Variants in ROBO2 observed in about 807,000 individuals in gnomAD.
ROBO2 encodes roundabout homolog 2.
Under a neutral mutation model 160.8 loss-of-function variants are expected in ROBO2, and 53 were observed. The observed-to-expected ratio is 0.33, with a 90% CI of 0.26 to 0.41. The LOEUF (loss-of-function observed/expected upper bound fraction) is 0.41, where lower values mean the gene tolerates loss of function less well. Ranked by LOEUF, ROBO2 falls within the 10% of genes least tolerant of loss-of-function variation. The pLI, the probability that ROBO2 is intolerant of heterozygous loss-of-function variation, is 1.00. For synonymous variants in ROBO2, 664 were observed against 611.7 expected (o/e 1.09, Z -1.26); for missense variants, 1,577 against 1,722.4 (o/e 0.92, Z 1.49).
At chr3:76,887,596 G>C (rs1315713735) in intron 2 of ROBO2, among the ~76,000 whole-genome samples, 3 of 151,906 alleles carry the variant, frequency 2.0e-5, no homozygotes, top group East Asian at 1.9e-4. Flanking sequence ...GAGATTCCTA[G>C]TATTGCTGTT....
chr3:77,480,394 A>G (rs1206703254), intron 3 of ROBO2, among the ~76,000 whole-genome samples: 1 of 152,022 alleles, frequency 6.6e-6, no homozygotes, highest in Non-Finnish European at 1.5e-5. Context: ...TACATATTTT[A>G]ATATTATTGC....
At chr3:77,492,695 A>C (rs940012413) in intron 4 of ROBO2, among the ~76,000 whole-genome samples, 1 of 152,182 alleles carries the variant, frequency 6.6e-6, no homozygotes, top group African/African-American at 2.4e-5. Flanking sequence ...CTTTCCATAC[A>C]TGAAGTTAAA....
intron 2 of ROBO2, among the ~76,000 whole-genome samples, chr3:76,688,848 C>T (rs1259553801): frequency 6.6e-6 from 1 of 151,944 alleles, no homozygotes. Context: ...TTGGTCTCAT[C>T]TTTCTTCTCC....
intron 6 of ROBO2, among the ~76,000 whole-genome samples, chr3:77,523,937 G>A (rs543361338): frequency 2.6e-5 from 4 of 151,336 alleles, no homozygotes; most frequent in Non-Finnish European, 4.4e-5. Context: ...AAAAAGGTTC[G>A]GAGAAGTTTG....
intron 4 of ROBO2, among the ~76,000 whole-genome samples, chr3:77,490,636 T>G (rs1429298764): frequency 6.6e-6 from 1 of 152,178 alleles, no homozygotes; most frequent in African/African-American, 2.4e-5. Flanking sequence ...CATAAGAGGT[T>G]CATTTTTCTC....
At chr3:76,527,288 A>G (rs2081997917) in intron 2 of ROBO2, among the ~76,000 whole-genome samples, 1 of 152,152 alleles carries the variant, frequency 6.6e-6, no homozygotes, top group Non-Finnish European at 1.5e-5. Context: ...AGAATAGACT[A>G]TAAAATCTAT....
intron 2 of ROBO2, among the ~76,000 whole-genome samples, chr3:76,506,250 TC>T (rs1222934162): frequency 2.2e-4 from 33 of 152,336 alleles, no homozygotes; most frequent in African/African-American, 7.7e-4. Flanking sequence ...TACTCATGAT[TC>T]TGGAGTCTGG....
At position 76,186,772 on chromosome 3, in the gene ROBO2, T is replaced by C. The variant is rs145303872; in HGVS notation, c.109+249170T>C. 1.1e-4 allele frequency among the ~76,000 whole-genome samples: 16 copies of C among 152,280 alleles called. No homozygotes were observed. In the East Asian group the frequency reaches 3.1e-3, roughly 29 times the overall value. On this transcript the variant is annotated intron_variant, in intron 2 of 26. Coordinates refer to the ROBO2 transcript ENST00000487694. ...TTATTCACTCCCTTGTTCTCTCTAATTCATCTCCAATTCATTCACTACCTC... is the reference window on the plus strand; with the variant it reads ...TTATTCACTCCCTTGTTCTCTCTAACTCATCTCCAATTCATTCACTACCTC...
At chr3:77,550,939 T>C in exon 8 of ROBO2, 1 of 1,613,016 alleles carries the variant, frequency 6.2e-7, no homozygotes, top group Non-Finnish European at 8.5e-7. Context: ...TGCCAGGCTT[T>C]AACTGTGGCA....
At chr3:76,064,582 T>C (rs1256525540) in intron 2 of ROBO2, among the ~76,000 whole-genome samples, 5 of 152,198 alleles carry the variant, frequency 3.3e-5, no homozygotes, top group African/African-American at 1.2e-4. Context: ...TCTCTAACAA[T>C]CCTTAAAAAG....
chr3:77,489,410 G>A (rs542604555), intron 4 of ROBO2, among the ~76,000 whole-genome samples: 33 of 152,272 alleles, frequency 2.2e-4, no homozygotes, highest in Non-Finnish European at 8.8e-5. Flanking sequence ...TCATTGTGAA[G>A]TCCTGCACCC....
rs79964875 is a variant in ROBO2 at position 76,413,722 on chromosome 3, A to G, written c.109+476120A>G. The stretch of plus-strand genomic sequence containing the variant: ...TCAGCATTTTGGGTAAAGCCATTCA[A>G]CACGTCTCTAGGAAGTTTAAAACTT... On this transcript the variant is annotated intron_variant, in intron 2 of 26. Transcript: ENST00000487694. 2.0e-5 allele frequency among the ~76,000 whole-genome samples: 3 copies of G among 152,136 alleles called. No homozygotes were observed. In the South Asian group the frequency reaches 6.2e-4, roughly 32 times the overall value.
At chr3:76,230,729 TG>T (rs1704573226) in intron 2 of ROBO2, among the ~76,000 whole-genome samples, 1 of 152,192 alleles carries the variant, frequency 6.6e-6, no homozygotes, top group South Asian at 2.1e-4. Flanking sequence ...TGGTTTGAAT[TG>T]TAATTCCCAG....
intron 2 of ROBO2, among the ~76,000 whole-genome samples, chr3:76,573,211 A>G (rs2085060365): frequency 6.6e-6 from 1 of 152,080 alleles, no homozygotes; most frequent in African/African-American, 2.4e-5. Context: ...TGTATCAGCC[A>G]TGTGATTTGG....
chr3:76,833,651 A>G (rs1461000087), intron 2 of ROBO2, among the ~76,000 whole-genome samples: 3 of 152,160 alleles, frequency 2.0e-5, no homozygotes, highest in Admixed American at 6.6e-5. Context: ...AGTGTGCCTA[A>G]ATACTGTGTC....
intron 2 of ROBO2, among the ~76,000 whole-genome samples, chr3:76,048,672 C>T (rs1204372452): frequency 5.9e-5 from 9 of 152,066 alleles, no homozygotes; most frequent in Non-Finnish European, 1.3e-4. Context: ...TGAATCACAA[C>T]CTATGATCCA....
intron 2 of ROBO2, among the ~76,000 whole-genome samples, chr3:76,684,491 A>C (rs2107025078): frequency 6.6e-6 from 1 of 152,300 alleles, no homozygotes; most frequent in South Asian, 2.1e-4. Flanking sequence ...GATTTTAGTA[A>C]TTAGTAAATT....
At chr3:77,427,221 T>C (rs2078297278) in intron 2 of ROBO2, among the ~76,000 whole-genome samples, 1 of 152,198 alleles carries the variant, frequency 6.6e-6, no homozygotes, top group African/African-American at 2.4e-5. Context: ...CCTGAAGTTG[T>C]ATCTTATGGA....
chr3:76,862,646 T>C (rs2070916610), intron 2 of ROBO2, among the ~76,000 whole-genome samples: 1 of 152,056 alleles, frequency 6.6e-6, no homozygotes, highest in African/African-American at 2.4e-5. Context: ...TCTCTAAGTA[T>C]AGGAGGGCAC....
Sources: gnomAD v4.1 joint callset for allele counts (sites outside exome capture counted in the v4.1 genomes callset) on GRCh38, gnomAD v4.1.1 for gene constraint, MANE v1.5 for transcripts, NCBI Gene and HGNC (gene_info 2026-07-23, HGNC 2026-07-21) for gene names.